The following OSBPL11 variants were observed in gnomAD, a reference collection of about 807,000 sequenced individuals.
The protein encoded by OSBPL11 is oxysterol-binding protein-related protein 11.
In OSBPL11, 33 loss-of-function variants were observed where a neutral mutation model predicts 84.4. The ratio of observed to expected loss-of-function variants is 0.39; its 90% CI spans 0.30 to 0.52. The LOEUF is 0.52. Among genes scored for constraint, OSBPL11 ranks in the 20% least tolerant of loss-of-function variants. The probability of loss-of-function intolerance (pLI) is 0.72; values close to 1 mark genes in which losing one functional copy is unlikely to be tolerated. For missense variants in OSBPL11, 736 were observed against 901.1 expected, an observed-to-expected ratio of 0.82 and a Z score of 2.35; for synonymous variants, 276 against 310.2, an observed-to-expected ratio of 0.89 and a Z score of 1.16.
chr3:125,588,751 T>G (rs1027743125), intron 1 of OSBPL11, among the ~76,000 whole-genome samples: 1 of 152,162 alleles, frequency 6.6e-6, no homozygotes, highest in Non-Finnish European at 1.5e-5. Flanking sequence ...ACAGCTAGTG[T>G]GTAGCCTGGG....
In OSBPL11 at chr3:125,532,590, A is replaced by C. The variant is rs1366834926; in HGVS notation, c.2025-576T>G. On this transcript the variant is annotated intron_variant, in intron 11 of 12. Coordinates refer to ENST00000296220, the MANE Select transcript of OSBPL11 (RefSeq NM_022776.5). ...ACAAATCTCAAGCAAAAAAAAAAAA[A>C]AACAAAAAAAAACTGCCACAACACT... 7.3e-5 allele frequency among the ~76,000 whole-genome samples: 11 copies of C among 150,200 alleles called. No homozygotes were observed. The East Asian group carries it at 7.8e-4, about 11-fold the overall frequency.
chr3:125,541,613 C>T (rs1935730581), intron 10 of OSBPL11, among the ~76,000 whole-genome samples: 1 of 152,110 alleles, frequency 6.6e-6, no homozygotes, highest in African/African-American at 2.4e-5. Flanking sequence ...AGTCCTGCTC[C>T]GTCACCCAGG....
chr3:125,536,388 C>G (rs555406728), intron 11 of OSBPL11, among the ~76,000 whole-genome samples: 4 of 152,186 alleles, frequency 2.6e-5, no homozygotes, highest in African/African-American at 9.6e-5. Flanking sequence ...TAATATCATG[C>G]ATTAGTCATT....
At chr3:125,558,512 T>C (rs1936026624) in intron 8 of OSBPL11, among the ~76,000 whole-genome samples, 1 of 152,236 alleles carries the variant, frequency 6.6e-6, no homozygotes. Context: ...TATTTTCAGA[T>C]GAACAGTTCG....
At chr3:125,562,382 C>T (rs1044595747) in intron 7 of OSBPL11, among the ~76,000 whole-genome samples, 2 of 152,114 alleles carry the variant, frequency 1.3e-5, no homozygotes, top group Non-Finnish European at 1.5e-5. Context: ...GCTGTTTCTA[C>T]AAATAAGCCA....
At chr3:125,594,574 G>A in intron 1 of OSBPL11, 63 bp downstream of exon 1, 5 of 1,534,626 alleles carry the variant, frequency 3.3e-6, no homozygotes, top group Non-Finnish European at 4.4e-6. Flanking sequence ...GCGGGATGCA[G>A]CCTCCAGGGC....
chr3:125,571,316 G>C (rs1244788650), intron 5 of OSBPL11, among the ~76,000 whole-genome samples: 1 of 152,178 alleles, frequency 6.6e-6, no homozygotes, highest in African/African-American at 2.4e-5. Flanking sequence ...AAGGGAAGTA[G>C]AGCATAAAAG....
intron 8 of OSBPL11, among the ~76,000 whole-genome samples, chr3:125,557,949 T>C (rs1356449304): frequency 2.0e-5 from 3 of 151,876 alleles, no homozygotes; most frequent in African/African-American, 7.3e-5. Flanking sequence ...TGCACCACCA[T>C]GCCCAGCTAA....
At chr3:125,590,965 A>G (rs923274188) in intron 1 of OSBPL11, among the ~76,000 whole-genome samples, 2 of 152,192 alleles carry the variant, frequency 1.3e-5, no homozygotes, top group African/African-American at 2.4e-5. Context: ...CTAAGTCTAT[A>G]TTGTCATTTA....
chr3:125,534,163 T>C lies in OSBPL11; in HGVS notation c.2025-2149A>G, dbSNP rs1041968601. On this transcript the variant is annotated intron_variant, in intron 11 of 12. Coordinates refer to ENST00000296220, the MANE Select transcript of OSBPL11 (RefSeq NM_022776.5). Reference sequence around the variant, plus strand: ...TGGGAGGCCGACGTGAGTGGATCACTTGAGGTCAGGAGTTTGAGACCAGCC... The same window carrying C: ...TGGGAGGCCGACGTGAGTGGATCACCTGAGGTCAGGAGTTTGAGACCAGCC... 2.0e-5 allele frequency among the ~76,000 whole-genome samples: 3 copies of C among 152,044 alleles called. No individual in the cohort carries two copies. The South Asian group carries it at 6.2e-4, about 32-fold the overall frequency.
chr3:125,550,670 A>AT (rs917642107), intron 9 of OSBPL11, among the ~76,000 whole-genome samples: 2 of 152,000 alleles, frequency 1.3e-5, no homozygotes, highest in Non-Finnish European at 2.9e-5. Flanking sequence ...TAAAAGTGGT[A>AT]TTTTTTTCCT....
chr3:125,594,712 T>C lies in OSBPL11; in HGVS notation c.89A>G (p.Lys30Arg). 6.2e-7 allele frequency: 1 copy of C among 1,614,200 alleles called. No homozygotes were observed. Among genetic ancestry groups the C allele is most frequent in the Non-Finnish European group, 8.5e-7 (1 of 1,180,044 alleles). Residue 30 changes from lysine (K) to arginine (R), a missense_variant, in exon 1 of 13, where the codon AAG (lysine) becomes AGG (arginine). Coordinates refer to ENST00000296220, the MANE Select transcript of OSBPL11 (RefSeq NM_022776.5). ...EGQATAVTPNKNSSCGGGISS... is the reference protein window; with the variant it reads ...EGQATAVTPNRNSSCGGGISS... ...GATTCCACCTCCACAGCTGCTGTTC[T>C]TGTTCGGGGTCACCGCTGTGGCCTG...
At chr3:125,575,220 A>G (rs939698057) in intron 5 of OSBPL11, among the ~76,000 whole-genome samples, 4 of 152,138 alleles carry the variant, frequency 2.6e-5, no homozygotes, top group African/African-American at 7.2e-5. Context: ...AATATTTAGA[A>G]CTTAACAAAC....
chr3:125,531,759 A>T, intron 12 of OSBPL11, 102 bp downstream of exon 12: 2 of 1,190,728 alleles, frequency 1.7e-6, no homozygotes, highest in Non-Finnish European at 2.3e-6. Context: ...TACTACTTTT[A>T]AAAATAAAGA....
At chr3:125,566,005 G>A (rs1936148443) in intron 6 of OSBPL11, among the ~76,000 whole-genome samples, 1 of 151,842 alleles carries the variant, frequency 6.6e-6, no homozygotes. Context: ...CACCCTACAC[G>A]TTATTATTAT....
chr3:125,584,922 C>T (rs1315523791), intron 1 of OSBPL11, among the ~76,000 whole-genome samples: 3 of 152,054 alleles, frequency 2.0e-5, no homozygotes, highest in Non-Finnish European at 4.4e-5. Context: ...ACTACAGGAA[C>T]GTACAACCAT....
chr3:125,589,352 A>G (rs978389626), intron 1 of OSBPL11, among the ~76,000 whole-genome samples: 2 of 151,638 alleles, frequency 1.3e-5, no homozygotes, highest in Non-Finnish European at 2.9e-5. Flanking sequence ...CAAAAAAAAA[A>G]AAAAAAAACA....
chr3:125,546,481 C>A (rs566548968), intron 10 of OSBPL11, among the ~76,000 whole-genome samples: 1 of 152,038 alleles, frequency 6.6e-6, no homozygotes, highest in Non-Finnish European at 1.5e-5. Flanking sequence ...TACAGGCATG[C>A]GCCACCATAC....
rs1177973433 is a variant in OSBPL11, at chr3:125,545,265, A to G, written c.1841+2141T>C. 3.1e-4 allele frequency among the ~76,000 whole-genome samples: 47 copies of G among 152,240 alleles called. 2 individuals are homozygous for G. Among genetic ancestry groups the G allele is most frequent in the Admixed American group, 3.0e-3 (46 of 15,286 alleles). ...TTAGTGCCAGGAAAACAGTTTGTCT[A>G]TCTCGAAAAAGTGATATGCTTCCTT... On this transcript the variant is annotated intron_variant, in intron 10 of 12. Transcript: ENST00000296220.
Sources: allele counts gnomAD v4.1 joint callset (sites outside exome capture counted in the v4.1 genomes callset), GRCh38; gene constraint gnomAD v4.1.1; transcripts MANE v1.5; gene names NCBI Gene and HGNC (gene_info 2026-07-23, HGNC 2026-07-21).